SPATA21: variants seen among roughly 807,000 people sequenced by gnomAD.
The protein encoded by SPATA21 is spermatogenesis-associated protein 21.
In SPATA21, 47 loss-of-function variants were observed where a neutral mutation model predicts 54.8. The ratio of observed to expected loss-of-function variants is 0.86; its 90% confidence interval spans 0.68 to 1.09. The LOEUF (loss-of-function observed/expected upper bound fraction) is 1.09. Among genes scored for constraint, SPATA21 ranks in the 50% least tolerant of loss-of-function variants. The pLI is 0.00. For synonymous variants in SPATA21, 245 were observed against 235.3 expected (o/e 1.04, Z -0.38); for missense variants, 599 against 596.4 (o/e 1.00, Z -0.05).
intron 5 of SPATA21, among the ~76,000 whole-genome samples, chr1:16,419,017 G>A (rs141578371): frequency 1.3e-3 from 191 of 152,292 alleles, no homozygotes; most frequent in African/African-American, 4.1e-3. Flanking sequence ...GGGAGCTTGC[G>A]TTCTAGATAA....
rs2086159761 is a variant in SPATA21, at chr1:16,421,164, G to A, written c.144+345C>T. 2.0e-5 allele frequency among the ~76,000 whole-genome samples: 3 copies of A among 152,028 alleles called. No homozygotes were observed. The South Asian group carries it at 6.2e-4, about 32-fold the overall frequency. On this transcript the variant is annotated intron_variant, in intron 5 of 12. Coordinates refer to ENST00000335496, the MANE Select transcript of SPATA21 (RefSeq NM_198546.1). The surrounding 1 kb of genome is among the most constrained non-coding windows in gnomAD (Gnocchi z 5.2). ...TCGGGGAAGCCTCCCAGGTGTTCAG[G>A]GATGCTTTGGATTGTGTGGCTGTGG...
chr1:16,409,967 C>G lies in SPATA21; in HGVS notation c.221G>C (p.Gly74Ala). The G allele has an allele frequency of 6.2e-7, 1 of 1,611,142 alleles. No individual in the cohort carries two copies. Among genetic ancestry groups the G allele is most frequent in the Non-Finnish European group, 8.5e-7 (1 of 1,178,718 alleles). ...CCGGAAGTTCCCGAGGCTCTGTGTCCCTGCAGCCACCGCGGGCTTCTGAGG... is the reference window on the plus strand; with the variant it reads ...CCGGAAGTTCCCGAGGCTCTGTGTCGCTGCAGCCACCGCGGGCTTCTGAGG... ...QQPQKPAVAA[G>A]TQSLGNFRQG... Residue 74 changes from glycine to alanine, a missense_variant, in exon 6 of 13, where the codon GGG becomes GCG. Gly to Ala is a moderately conservative substitution (Grantham distance 60). Transcript: ENST00000335496. The surrounding 1 kb of genome is among the most constrained non-coding windows in gnomAD (Gnocchi z 4.1).
chr1:16,434,003 C>T (rs959007927), intron 1 of SPATA21, among the ~76,000 whole-genome samples: 7 of 152,124 alleles, frequency 4.6e-5, no homozygotes, highest in African/African-American at 1.7e-4. Flanking sequence ...GCATCATCCC[C>T]AATCTTCCCA....
chr1:16,399,534 G>T lies in SPATA21; in HGVS notation c.1175-13C>A. On this transcript the variant is annotated splice_polypyrimidine_tract_variant and intron_variant, in intron 11 of 12. Transcript: ENST00000335496. ...TGCAGGTTGGGAGCTGGTGAAGAAG[G>T]AGGCAGAAGGAGGAATGCTTCACAG... The T allele has an allele frequency of 6.2e-7, 1 of 1,609,636 alleles. No individual in the cohort carries two copies. The highest frequency in any genetic ancestry group is 1.1e-5 in the South Asian group (1 of 90,436).
rs1446558300 is a variant in SPATA21 at position 16,428,930 on chromosome 1, G to GA, written c.34+2407dup. ...CAAATGAGGCTGCAAGGGGTGCAGT[G>GA]ACAGGCCCAACATCACACAGCTGGG... On this transcript the variant is annotated intron_variant, in intron 3 of 12. Coordinates refer to ENST00000335496, the MANE Select transcript of SPATA21 (RefSeq NM_198546.1). The surrounding 1 kb of genome is among the most constrained non-coding windows in gnomAD (Gnocchi z 4.3). Among the ~76,000 whole-genome samples, 1 of 152,204 alleles carries GA rather than the reference G, an allele frequency of 6.6e-6. No homozygotes were observed. Among genetic ancestry groups the GA allele is most frequent in the African/African-American group, 2.4e-5 (1 of 41,446 alleles).
Position 16,421,878 on chromosome 1 carries a change from G to C in SPATA21, c.95+33C>G, listed in dbSNP as rs1214018210. ...AACTCAGCAGAAGAGCATCCTTGTT[G>C]GGGGCAGGGGATGGCACTGGATGAT... On this transcript the variant is annotated intron_variant, in intron 4 of 12. Coordinates refer to ENST00000335496, the MANE Select transcript of SPATA21 (RefSeq NM_198546.1). This position sits in a 1 kb window ranked among gnomAD's most constrained non-coding sequence, Gnocchi z 5.2. The C allele has an allele frequency of 6.2e-7, 1 of 1,614,120 alleles. No individual in the cohort carries two copies. Among genetic ancestry groups the C allele is most frequent in the Admixed American group, 1.7e-5 (1 of 60,012 alleles).
intron 1 of SPATA21, among the ~76,000 whole-genome samples, chr1:16,435,895 T>G (rs1367726227): frequency 1.3e-5 from 2 of 152,208 alleles, no homozygotes; most frequent in African/African-American, 4.8e-5. Flanking sequence ...TTTTCTCCCA[T>G]TATGTGGATT....
Position 16,400,794 on chromosome 1 carries a change from T to C in SPATA21, c.1100A>G (p.Gln367Arg), listed in dbSNP as rs1055866071. The C allele has an allele frequency of 6.2e-7, 1 of 1,612,442 alleles. No individual in the cohort carries two copies. The highest frequency in any genetic ancestry group is 1.4e-5 in the African/African-American group (1 of 73,950). Residue 367 changes from glutamine to arginine, a missense_variant, in exon 11 of 13, where the codon CAG becomes CGG. Coordinates refer to ENST00000335496, the MANE Select transcript of SPATA21 (RefSeq NM_198546.1). ...LRLQKLPYNP[Q>R]QEESSEVPER... ...TGGAACTTCTGAGCTCTCTTCTTGC[T>C]GGGGGTTGTAGGGAAGCTTCTGCAA...
At chr1:16,435,615 C>CA (rs2086567425) in intron 1 of SPATA21, among the ~76,000 whole-genome samples, 1 of 150,004 alleles carries the variant, frequency 6.7e-6, no homozygotes, top group Non-Finnish European at 1.5e-5. Flanking sequence ...CCATGCCCGG[C>CA]CCCCCCCTTT....
chr1:16,426,582 T>A (rs867465483), intron 3 of SPATA21, among the ~76,000 whole-genome samples: 12,311 of 121,902 alleles, frequency 0.1, 629 homozygotes, highest in African/African-American at 0.17. Flanking sequence ...TATATATATT[T>A]TTTTTTTTTT....
In SPATA21 at chr1:16,400,770, G is replaced by T. The variant is rs1432700664; in HGVS notation, c.1124C>A (p.Pro375Gln). The T allele has an allele frequency of 2.5e-6, 4 of 1,614,072 alleles. No individual in the cohort carries two copies. In the East Asian group the frequency reaches 8.9e-5, roughly 36 times the overall value. The part of the protein sequence containing the change: ...NPQQEESSEV[P>Q]ERKVLSILSR... ...CAGGATACTGAGGACCTTTCGTTCT[G>T]GAACTTCTGAGCTCTCTTCTTGCTG... Residue 375 changes from proline (P) to glutamine (Q), a missense_variant, in exon 11 of 13, where the codon CCA (proline) becomes CAA (glutamine). Coordinates refer to ENST00000335496, the MANE Select transcript of SPATA21 (RefSeq NM_198546.1).
intron 5 of SPATA21, among the ~76,000 whole-genome samples, chr1:16,416,539 G>A (rs1325402457): frequency 1.3e-5 from 2 of 152,086 alleles, no homozygotes; most frequent in African/African-American, 2.4e-5. Context: ...TTAGCCACAC[G>A]TGGTGGTATA....
At chr1:16,431,032 A>G (rs900319877) in intron 3 of SPATA21, among the ~76,000 whole-genome samples, 3 of 152,234 alleles carry the variant, frequency 2.0e-5, no homozygotes, top group African/African-American at 7.2e-5. Context: ...CATTTAGCAC[A>G]TTGATCTAGC....
chr1:16,408,282 A>G (rs966614449), intron 7 of SPATA21, among the ~76,000 whole-genome samples: 6 of 152,122 alleles, frequency 3.9e-5, no homozygotes, highest in Admixed American at 3.9e-4. Context: ...CCTGAGGACA[A>G]TAGAGAGCAG....
At chr1:16,398,941 GGTGGAACCAGCA>G (rs1404131971) in intron 12 of SPATA21, 119 bp from the exon 13 acceptor site, 28 of 1,074,396 alleles carry the variant, frequency 2.6e-5, no homozygotes, top group Non-Finnish European at 3.6e-5. Flanking sequence ...CCTCAGAAAT[GGTGGAACCAGCA>G]GTTGTGCTTA....
chr1:16,425,999 C>T (rs1215122614), intron 3 of SPATA21, among the ~76,000 whole-genome samples: 4 of 151,680 alleles, frequency 2.6e-5, no homozygotes, highest in East Asian at 4.0e-4. Flanking sequence ...TCTTCGACCT[C>T]GGCCTCCCAA....
intron 5 of SPATA21, chr1:16,410,780 C>T (rs770274208): frequency 8.1e-6 from 3 of 370,764 alleles, no homozygotes; most frequent in South Asian, 5.9e-5. Context: ...CTCCTGACCT[C>T]AAGTGATCCT....
At chr1:16,412,806 T>C (rs201782029) in intron 5 of SPATA21, among the ~76,000 whole-genome samples, 2 of 151,844 alleles carry the variant, frequency 1.3e-5, no homozygotes, top group African/African-American at 4.8e-5. Context: ...TTCTTTCTTT[T>C]TTTAGATAAA....
At chr1:16,426,991 A>G (rs994345337) in intron 3 of SPATA21, among the ~76,000 whole-genome samples, 2 of 152,160 alleles carry the variant, frequency 1.3e-5, no homozygotes, top group East Asian at 3.9e-4. Flanking sequence ...AAAATTCCAT[A>G]TTTTAAAGAT....
Sources: gnomAD v4.1 joint callset for allele counts (sites outside exome capture counted in the v4.1 genomes callset) on GRCh38, gnomAD v4.1.1 for gene constraint, Gnocchi (gnomAD v3.1) non-coding constraint, MANE v1.5 for transcripts, NCBI Gene and HGNC (gene_info 2026-07-23, HGNC 2026-07-21) for gene names.